Variants in IL7 observed in about 807,000 individuals in gnomAD.
The protein encoded by IL7 is interleukin-7.
IL7 carries 3 observed loss-of-function variants against 21.6 expected under a neutral mutation model. The ratio of observed to expected loss-of-function variants is 0.14; its 90% CI spans 0.06 to 0.36. The LOEUF (loss-of-function observed/expected upper bound fraction) is 0.36. Among genes scored for constraint, IL7 ranks in the 10% least tolerant of loss-of-function variants. The pLI, the probability that IL7 is intolerant of heterozygous loss-of-function variation, is 1.00. For synonymous variants in IL7, 62 were observed against 68.1 expected (o/e 0.91, Z 0.44); for missense variants, 175 against 200.2 (o/e 0.87, Z 0.76).
At chr8:78,720,028 C>T (rs1484399113) in intron 5 of IL7, among the ~76,000 whole-genome samples, 1 of 151,746 alleles carries the variant, frequency 6.6e-6, no homozygotes, top group Non-Finnish European at 1.5e-5. Flanking sequence ...CAGTCACAAA[C>T]ATTTGTGATG....
At chr8:78,765,106 G>GAA (rs1812714227) in intron 2 of IL7, among the ~76,000 whole-genome samples, 2 of 152,082 alleles carry the variant, frequency 1.3e-5, no homozygotes, top group Non-Finnish European at 2.9e-5. Context: ...ATGGTGCTAA[G>GAA]ACAACTGGAC....
At chr8:78,685,816 A>G (rs1809950046) in intron 4 of IL7, 1 of 152,236 alleles carries the variant, frequency 6.6e-6, no homozygotes, top group South Asian at 2.1e-4. Context: ...ACACTGTGTT[A>G]GTCTCTTTTC....
intron 3 of IL7, chr8:78,686,726 T>A: frequency 8.8e-7 from 1 of 1,133,728 alleles, no homozygotes; most frequent in Non-Finnish European, 1.1e-6. Context: ...AGGCATAATC[T>A]TTAAAATTTG....
At chr8:78,711,908 C>A in intron 3 of IL7, 1 of 814,024 alleles carries the variant, frequency 1.2e-6, no homozygotes, top group Non-Finnish European at 1.8e-6. Flanking sequence ...TCTGATGAAC[C>A]AGAATAATGT....
chr8:78,729,926 T>TA (rs1329679221), downstream of IL7, among the ~76,000 whole-genome samples: 2 of 151,940 alleles, frequency 1.3e-5, no homozygotes, highest in African/African-American at 4.8e-5. Flanking sequence ...TATTAAGAGT[T>TA]ACTTGTTGAG....
intron 3 of IL7, among the ~76,000 whole-genome samples, chr8:78,687,864 CT>C (rs1810069003): frequency 3.1e-5 from 1 of 32,346 alleles, no homozygotes; most frequent in Non-Finnish European, 1.4e-4. Context: ...TAATATATAT[CT>C]ATATAATAAA....
At chr8:78,706,344 A>G (rs1036754970) in intron 3 of IL7, among the ~76,000 whole-genome samples, 1 of 152,078 alleles carries the variant, frequency 6.6e-6, no homozygotes, top group Non-Finnish European at 1.5e-5. Flanking sequence ...CTGGAGTTGC[A>G]GTTACTTTTG....
At chr8:78,680,203 GT>G (rs1480534087) in intron 4 of IL7, among the ~76,000 whole-genome samples, 2 of 148,142 alleles carry the variant, frequency 1.4e-5, no homozygotes, top group Non-Finnish European at 3.0e-5. Context: ...AGGAATTGGG[GT>G]TGTAAACTTA....
intron 3 of IL7, among the ~76,000 whole-genome samples, chr8:78,711,608 A>G (rs1421699699): frequency 6.6e-6 from 1 of 152,134 alleles, no homozygotes; most frequent in Non-Finnish European, 1.5e-5. Flanking sequence ...AAGAGTAGAG[A>G]AAGTTTCCAT....
At chr8:78,738,694 GC>G (rs1362556979) in intron 3 of IL7, 59 bp from the exon 4 acceptor site, 14 of 1,516,858 alleles carry the variant, frequency 9.2e-6, no homozygotes, top group Middle Eastern at 3.5e-4. Flanking sequence ...GAAATTATAA[GC>G]TTTCTTAAGG....
intron 4 of IL7, chr8:78,721,143 G>A (rs1811229918): frequency 6.6e-6 from 1 of 151,966 alleles, no homozygotes; most frequent in Non-Finnish European, 1.5e-5. Context: ...TACCTAAACA[G>A]ACAATTACAA....
intron 3 of IL7, chr8:78,721,480 C>G (rs1367017488): frequency 6.6e-6 from 1 of 151,962 alleles, no homozygotes; most frequent in Non-Finnish European, 1.5e-5. Context: ...ACTGATAATT[C>G]CAGCTATTCA....
intron 1 of IL7, among the ~76,000 whole-genome samples, chr8:78,804,542 T>C (rs1421504954): frequency 2.6e-5 from 4 of 152,170 alleles, no homozygotes; most frequent in African/African-American, 9.7e-5. Flanking sequence ...CGTGAGTAAC[T>C]TGGGGCGGCC....
At chr8:78,728,407 T>C (rs1044922000), downstream of IL7, among the ~76,000 whole-genome samples, 2 of 151,996 alleles carry the variant, frequency 1.3e-5, no homozygotes, top group Non-Finnish European at 2.9e-5. Flanking sequence ...AACTGTGGTA[T>C]TGGAGAAAGG....
chr8:78,774,754 G>T (rs1563430717), intron 2 of IL7, among the ~76,000 whole-genome samples: 2 of 151,970 alleles, frequency 1.3e-5, no homozygotes, highest in South Asian at 2.1e-4. Context: ...AACAAACAAA[G>T]AATAAAAATG....
intron 5 of IL7, among the ~76,000 whole-genome samples, chr8:78,735,530 G>A (rs1173967545): frequency 6.6e-6 from 1 of 151,850 alleles, no homozygotes; most frequent in African/African-American, 2.4e-5. Context: ...GGATGGTCTT[G>A]ATCTTTCCAC....
At chr8:78,780,067 G>C (rs1000283394) in intron 2 of IL7, among the ~76,000 whole-genome samples, 1 of 152,080 alleles carries the variant, frequency 6.6e-6, no homozygotes, top group South Asian at 2.1e-4. Flanking sequence ...GTATTTCTGT[G>C]GGGTCAGTGA....
chr8:78,769,729 C>G (rs1812888344), intron 2 of IL7, among the ~76,000 whole-genome samples: 1 of 152,162 alleles, frequency 6.6e-6, no homozygotes, highest in Admixed American at 6.6e-5. Flanking sequence ...ATCGCCAAGT[C>G]AAACCTAAGC....
At chr8:78,695,271 A>G (rs1379841266) in intron 3 of IL7, among the ~76,000 whole-genome samples, 1 of 152,230 alleles carries the variant, frequency 6.6e-6, no homozygotes, top group Non-Finnish European at 1.5e-5. Context: ...AGTCTTATAT[A>G]GAGAGGGAGA....
Sources: allele counts gnomAD v4.1 joint callset (sites outside exome capture counted in the v4.1 genomes callset), GRCh38; gene constraint gnomAD v4.1.1; transcripts MANE v1.5; gene names NCBI Gene and HGNC (gene_info 2026-07-23, HGNC 2026-07-21).